Variants in MYO3B observed in about 807,000 individuals in gnomAD.
MYO3B encodes myosin-IIIb.
Under a neutral mutation model 174.6 loss-of-function variants are expected in MYO3B, and 156 were observed. That is an observed-to-expected ratio of 0.89 (90% confidence interval 0.78 to 1.02). MYO3B has a LOEUF of 1.02. Among genes scored for constraint, MYO3B ranks in the 50% least tolerant of loss-of-function variants. The pLI, the probability that MYO3B is intolerant of heterozygous loss-of-function variation, is 0.00. For synonymous variants in MYO3B, 563 were observed against 569.1 expected, an observed-to-expected ratio of 0.99 and a Z score of 0.15; for missense variants, 1,632 against 1,639.4, an observed-to-expected ratio of 1.00 and a Z score of 0.08.
At chr2:170,250,023 G>T (rs1398642235) in intron 7 of MYO3B, among the ~76,000 whole-genome samples, 1 of 152,140 alleles carries the variant, frequency 6.6e-6, no homozygotes, top group Non-Finnish European at 1.5e-5. Flanking sequence ...AGGCTAATCA[G>T]ATCTGCCAAG....
At chr2:170,445,998 C>CA (rs2094839422) in intron 23 of MYO3B, among the ~76,000 whole-genome samples, 1 of 149,626 alleles carries the variant, frequency 6.7e-6, no homozygotes, top group African/African-American at 2.5e-5. Context: ...GGAAAAATCA[C>CA]AAAAATGCAA....
At position 170,236,114 on chromosome 2, in the gene MYO3B, A is replaced by G. The variant is rs755303832; in HGVS notation, c.727A>G (p.Lys243Glu). ...DPPLFDMHPVKTLFKIPRNPP... is the reference protein window; with the variant it reads ...DPPLFDMHPVETLFKIPRNPP... ...TCCCCTCTTTGACATGCATCCTGTG[A>G]AAACACTCTTTAAGATTCCAAGGTA... Residue 243 changes from lysine to glutamate, a missense_variant, in exon 7 of 35, where the codon AAA becomes GAA. Coordinates refer to ENST00000408978, the MANE Select transcript of MYO3B (RefSeq NM_138995.5). 1 of 1,614,162 alleles carries G rather than the reference A, an allele frequency of 6.2e-7. No homozygotes were observed. The highest frequency in any genetic ancestry group is 8.5e-7 in the Non-Finnish European group (1 of 1,180,006).
chr2:170,278,538 A>G (rs2093480316), intron 7 of MYO3B, among the ~76,000 whole-genome samples: 1 of 152,138 alleles, frequency 6.6e-6, no homozygotes, highest in African/African-American at 2.4e-5. Context: ...TTTTATGCAT[A>G]GAATGTCTAG....
rs1420715235 is a variant in MYO3B at position 170,404,416 on chromosome 2, G to A, written c.2431+16G>A. ...ACCCTGGTTGGTAGGTAACTTCTGA[G>A]AAACAGGCATATACATTTAGAACAA... is the stretch of plus-strand genomic sequence containing the variant. On this transcript the variant is annotated intron_variant, in intron 20 of 34. Coordinates refer to ENST00000408978, the MANE Select transcript of MYO3B (RefSeq NM_138995.5). The A allele has an allele frequency of 1.9e-6, 3 of 1,600,412 alleles. No individual in the cohort carries two copies. The highest frequency in any genetic ancestry group is 1.8e-5 in the Admixed American group (1 of 56,980).
In MYO3B at chr2:170,634,425, G is replaced by T. The variant is rs540632261; in HGVS notation, c.3734-17203G>T. On this transcript the variant is annotated intron_variant, in intron 32 of 34. Coordinates refer to ENST00000408978, the MANE Select transcript of MYO3B (RefSeq NM_138995.5). ...AAAACTGGCTAGCCATATGTAGAAA[G>T]CGGAAACTGGATCCCTTCCTTACAC... Among the ~76,000 whole-genome samples, 8 of 152,284 alleles carry T rather than the reference G, an allele frequency of 5.3e-5. No individual in the cohort carries two copies. In the South Asian group the frequency reaches 1.7e-3, roughly 32 times the overall value.
rs937471683 is a variant in MYO3B at position 170,582,774 on chromosome 2, G to A, written c.3733+38786G>A. On this transcript the variant is annotated intron_variant, in intron 32 of 34. Transcript: ENST00000408978. ...CAGGCATTAAATATTCAGGCCTTTTGTTAAGAAAAAAATCGTCATTGTGGT... is the reference window on the plus strand; with the variant it reads ...CAGGCATTAAATATTCAGGCCTTTTATTAAGAAAAAAATCGTCATTGTGGT... 2.6e-5 allele frequency among the ~76,000 whole-genome samples: 4 copies of A among 152,188 alleles called. No individual in the cohort carries two copies. The South Asian group carries it at 8.3e-4, about 32-fold the overall frequency.
chr2:170,236,331 G>A (rs934511952), intron 7 of MYO3B, among the ~76,000 whole-genome samples, 195 bp downstream of exon 7: 1 of 152,120 alleles, frequency 6.6e-6, no homozygotes, highest in African/African-American at 2.4e-5. Context: ...CATACCCCAA[G>A]GAATAATAAG....
At chr2:170,484,548 A>C (rs1049273810) in intron 25 of MYO3B, among the ~76,000 whole-genome samples, 1 of 152,196 alleles carries the variant, frequency 6.6e-6, no homozygotes, top group African/African-American at 2.4e-5. Context: ...ATGAGGAGGC[A>C]GCAGTAGCAG....
At chr2:170,548,383 A>G (rs1016051027) in intron 32 of MYO3B, among the ~76,000 whole-genome samples, 1 of 152,180 alleles carries the variant, frequency 6.6e-6, no homozygotes, top group African/African-American at 2.4e-5. Flanking sequence ...AGGAATCTAG[A>G]TACAATGAAG....
At chr2:170,552,759 G>A (rs6730101) in intron 32 of MYO3B, among the ~76,000 whole-genome samples, 117,042 of 152,064 alleles carry the variant, frequency 0.77, 45,568 homozygotes, top group African/African-American at 0.87. Flanking sequence ...AAACTCCTCC[G>A]GGGCATTTCA....
intron 32 of MYO3B, among the ~76,000 whole-genome samples, chr2:170,569,403 T>C (rs1692281294): frequency 6.6e-6 from 1 of 152,208 alleles, no homozygotes; most frequent in South Asian, 2.1e-4. Context: ...TAAAAGCTGT[T>C]CTTCTGGAAT....
intron 32 of MYO3B, among the ~76,000 whole-genome samples, chr2:170,557,603 A>G (rs1198517903): frequency 6.6e-6 from 1 of 152,196 alleles, no homozygotes. Flanking sequence ...ACTAAATGGC[A>G]GACACTATGT....
chr2:170,460,902 G>A (rs898267564), intron 23 of MYO3B, among the ~76,000 whole-genome samples: 1 of 152,144 alleles, frequency 6.6e-6, no homozygotes, highest in Non-Finnish European at 1.5e-5. Context: ...TCTTATAAGA[G>A]TATTCCTTTT....
chr2:170,375,953 G>A (rs1382611401), intron 9 of MYO3B, among the ~76,000 whole-genome samples: 2 of 152,086 alleles, frequency 1.3e-5, no homozygotes, highest in Non-Finnish European at 2.9e-5. Flanking sequence ...ATCTACAAAT[G>A]AGTAAGTTAG....
At chr2:170,294,826 G>A (rs2093618766) in intron 7 of MYO3B, among the ~76,000 whole-genome samples, 1 of 152,096 alleles carries the variant, frequency 6.6e-6, no homozygotes, top group Non-Finnish European at 1.5e-5. Context: ...AGGTTCAGTT[G>A]TACCACTCTG....
chr2:170,622,817 G>A (rs1696053225), intron 32 of MYO3B, among the ~76,000 whole-genome samples: 1 of 149,372 alleles, frequency 6.7e-6, no homozygotes, highest in Non-Finnish European at 1.5e-5. Context: ...GTGAGAACAT[G>A]CGGTGTTTGG....
intron 7 of MYO3B, among the ~76,000 whole-genome samples, chr2:170,315,763 A>C (rs11681687): frequency 0.48 from 72,442 of 152,102 alleles, 18,527 homozygotes; most frequent in East Asian, 0.67. Context: ...CATATGATAC[A>C]ACTGAGGCTT....
At chr2:170,616,930 G>C (rs1259678005) in intron 32 of MYO3B, among the ~76,000 whole-genome samples, 1 of 152,102 alleles carries the variant, frequency 6.6e-6, no homozygotes, top group Admixed American at 6.5e-5. Flanking sequence ...TATTGAAATG[G>C]AGTTATACAA....
chr2:170,363,141 G>A (rs2094174113), intron 8 of MYO3B, among the ~76,000 whole-genome samples: 1 of 151,932 alleles, frequency 6.6e-6, no homozygotes, highest in Non-Finnish European at 1.5e-5. Context: ...TGTAGCAATG[G>A]GAACACATAA....
Sources: allele counts gnomAD v4.1 joint callset (sites outside exome capture counted in the v4.1 genomes callset), GRCh38; gene constraint gnomAD v4.1.1; transcripts MANE v1.5; gene names NCBI Gene and HGNC (gene_info 2026-07-23, HGNC 2026-07-21).